Variants in TAFA1 observed in about 807,000 individuals in gnomAD.
TAFA1 encodes the protein TAFA chemokine like family member 1, also known as chemokine-like protein TAFA-1.
In TAFA1, 4 loss-of-function variants were observed where a neutral mutation model predicts 18.5. The ratio of observed to expected loss-of-function variants is 0.22; its 90% CI spans 0.11 to 0.49. The LOEUF (loss-of-function observed/expected upper bound fraction) is 0.49. Among genes scored for constraint, TAFA1 ranks in the 20% least tolerant of loss-of-function variants. The probability of loss-of-function intolerance (pLI) is 0.98; values close to 1 mark genes in which losing one functional copy is unlikely to be tolerated. For missense variants in TAFA1, 147 were observed against 169.0 expected (o/e 0.87, Z 0.72); for synonymous variants, 56 against 55.2 (o/e 1.01, Z -0.06).
At chr3:68,542,133 C>CT (rs1481851630) in intron 4 of TAFA1, among the ~76,000 whole-genome samples, 1 of 152,106 alleles carries the variant, frequency 6.6e-6, no homozygotes, top group Non-Finnish European at 1.5e-5. Context: ...TTTGGAATAA[C>CT]TTTTTAAGAG....
At chr3:68,090,511 C>G (rs763297254) in intron 2 of TAFA1, among the ~76,000 whole-genome samples, 2 of 152,116 alleles carry the variant, frequency 1.3e-5, no homozygotes, top group Non-Finnish European at 2.9e-5. Flanking sequence ...CTTTGTACCC[C>G]ATGTTGTTCC....
At chr3:68,510,256 A>C (rs914037477) in intron 3 of TAFA1, among the ~76,000 whole-genome samples, 1 of 152,126 alleles carries the variant, frequency 6.6e-6, no homozygotes, top group Non-Finnish European at 1.5e-5. Context: ...GCAATAGGAC[A>C]TATTATACTC....
chr3:68,472,273 C>G (rs1005060004), intron 3 of TAFA1, among the ~76,000 whole-genome samples: 6 of 152,050 alleles, frequency 3.9e-5, no homozygotes, highest in African/African-American at 1.4e-4. Flanking sequence ...GGAGTTTCCC[C>G]ATACAAACTC....
intron 2 of TAFA1, among the ~76,000 whole-genome samples, chr3:68,160,835 G>A (rs1005388066): frequency 2.6e-5 from 4 of 152,158 alleles, no homozygotes; most frequent in Non-Finnish European, 5.9e-5. Flanking sequence ...AAGGGTTTAG[G>A]TCAGGTCTGG....
chr3:68,309,218 T>C (rs1002892454), intron 2 of TAFA1, among the ~76,000 whole-genome samples: 11 of 152,128 alleles, frequency 7.2e-5, no homozygotes, highest in Admixed American at 5.2e-4. Context: ...GTCTAGAACA[T>C]ACAAAGCATA....
chr3:68,180,866 G>A (rs2066189437), intron 2 of TAFA1, among the ~76,000 whole-genome samples: 1 of 152,004 alleles, frequency 6.6e-6, no homozygotes, highest in Admixed American at 6.5e-5. Context: ...CTTTATTCTG[G>A]AAAAAACAAC....
chr3:68,330,185 A>G (rs1304052639), intron 2 of TAFA1, among the ~76,000 whole-genome samples: 3 of 152,224 alleles, frequency 2.0e-5, no homozygotes, highest in Non-Finnish European at 4.4e-5. Flanking sequence ...TTACGTCGTC[A>G]TAGTTCTAGA....
At chr3:68,516,733 C>G (rs1299316873) in intron 3 of TAFA1, among the ~76,000 whole-genome samples, 1 of 152,142 alleles carries the variant, frequency 6.6e-6, no homozygotes, top group Non-Finnish European at 1.5e-5. Context: ...GATAATAGTA[C>G]AGGTGACACC....
At chr3:68,127,643 G>C (rs1317158370) in intron 2 of TAFA1, among the ~76,000 whole-genome samples, 1 of 240 alleles carries the variant, frequency 4.2e-3, no homozygotes, top group African/African-American at 0.018. Flanking sequence ...TGGTGATGCT[G>C]ATGACAGTGG....
chr3:68,214,016 A>C (rs1262233531), intron 2 of TAFA1, among the ~76,000 whole-genome samples: 1 of 152,246 alleles, frequency 6.6e-6, no homozygotes, highest in Non-Finnish European at 1.5e-5. Context: ...TTACCTATGT[A>C]TATATGTGTC....
At chr3:68,389,623 G>A (rs990884403) in intron 2 of TAFA1, among the ~76,000 whole-genome samples, 7 of 152,156 alleles carry the variant, frequency 4.6e-5, no homozygotes, top group African/African-American at 1.7e-4. Context: ...AACAACAGCA[G>A]AGAAGGCGGG....
At chr3:68,323,554 T>C (rs1005146729) in intron 2 of TAFA1, among the ~76,000 whole-genome samples, 3 of 152,206 alleles carry the variant, frequency 2.0e-5, no homozygotes, top group Non-Finnish European at 2.9e-5. Flanking sequence ...TGTGTAACTC[T>C]GTAATTTCAG....
intron 2 of TAFA1, among the ~76,000 whole-genome samples, chr3:68,285,837 C>A (rs2067989653): frequency 6.6e-6 from 1 of 152,018 alleles, no homozygotes. Flanking sequence ...AACGTGAGAG[C>A]AAAGATATGA....
intron 2 of TAFA1, among the ~76,000 whole-genome samples, chr3:68,397,938 A>G (rs924880136): frequency 6.6e-6 from 1 of 152,112 alleles, no homozygotes; most frequent in Non-Finnish European, 1.5e-5. Context: ...GTCATTAAAT[A>G]TTTTCCCATG....
At chr3:68,281,316 T>C (rs1338346841) in intron 2 of TAFA1, among the ~76,000 whole-genome samples, 4 of 152,110 alleles carry the variant, frequency 2.6e-5, no homozygotes, top group Non-Finnish European at 5.9e-5. Context: ...TACTATACCA[T>C]GTTTTTTTTG....
chr3:68,201,785 G>C (rs1352848), intron 2 of TAFA1, among the ~76,000 whole-genome samples: 5,930 of 151,734 alleles, frequency 0.039, 372 homozygotes, highest in African/African-American at 0.14. Context: ...GGTTCTACAA[G>C]ATGGGAAGTA....
At chr3:68,381,976 A>G (rs563038882) in intron 2 of TAFA1, among the ~76,000 whole-genome samples, 10 of 152,182 alleles carry the variant, frequency 6.6e-5, no homozygotes, top group Admixed American at 2.0e-4. Context: ...ACTTTTTAGC[A>G]TGAAGGGTTG....
chr3:68,143,731 T>G (rs2106906885), intron 2 of TAFA1, among the ~76,000 whole-genome samples: 1 of 152,258 alleles, frequency 6.6e-6, no homozygotes, highest in Non-Finnish European at 1.5e-5. Flanking sequence ...GTAACAGTAG[T>G]TGTTTTACAG....
At chr3:68,030,152 G>T (rs2106649045) in intron 2 of TAFA1, among the ~76,000 whole-genome samples, 1 of 152,180 alleles carries the variant, frequency 6.6e-6, no homozygotes, top group Non-Finnish European at 1.5e-5. Flanking sequence ...GAAATAAAAT[G>T]GGTGACATTA....
Sources: allele counts gnomAD v4.1 joint callset (sites outside exome capture counted in the v4.1 genomes callset), GRCh38; gene constraint gnomAD v4.1.1; transcripts MANE v1.5; gene names NCBI Gene and HGNC (gene_info 2026-07-23, HGNC 2026-07-21).